The following MICALL1 variants were observed in gnomAD, a reference collection of about 807,000 sequenced individuals.
MICALL1 encodes the protein MICAL like 1.
A neutral mutation model predicts 83.7 loss-of-function variants in MICALL1; 61 were observed. The ratio of observed to expected loss-of-function variants is 0.73; its 90% CI spans 0.59 to 0.90. The LOEUF is 0.90. MICALL1 is among the 40% of genes least tolerant of loss of function. The probability of loss-of-function intolerance (pLI) is 0.00; values close to 1 mark genes in which losing one functional copy is unlikely to be tolerated. For synonymous variants in MICALL1, 481 were observed against 473.6 expected, an observed-to-expected ratio of 1.02 and a Z score of -0.20; for missense variants, 1,066 against 1,152.0, an observed-to-expected ratio of 0.93 and a Z score of 1.08.
intron 1 of MICALL1, among the ~76,000 whole-genome samples, chr22:37,910,762 C>A (rs1257018725): frequency 6.6e-6 from 1 of 151,980 alleles, no homozygotes; most frequent in Non-Finnish European, 1.5e-5. Flanking sequence ...GCTGTGCTTA[C>A]CTGGCTCCCT....
intron 4 of MICALL1, among the ~76,000 whole-genome samples, chr22:37,918,457 G>A (rs751160368): frequency 1.1e-4 from 16 of 152,218 alleles, no homozygotes; most frequent in Non-Finnish European, 2.2e-4. Context: ...CCCCAGGGTG[G>A]GTGCTCCATG....
chr22:37,921,567 C>G (rs897251764), intron 5 of MICALL1, among the ~76,000 whole-genome samples: 1 of 152,214 alleles, frequency 6.6e-6, no homozygotes, highest in African/African-American at 2.4e-5. Flanking sequence ...GAGTGAGACT[C>G]CATCTCAAAA....
intron 4 of MICALL1, among the ~76,000 whole-genome samples, chr22:37,918,226 C>G (rs887170658): frequency 3.9e-5 from 6 of 152,202 alleles, no homozygotes; most frequent in African/African-American, 1.2e-4. Flanking sequence ...CCAGGGAGGT[C>G]AGCATTATGG....
intron 4 of MICALL1, 29 bp downstream of exon 4, chr22:37,917,824 G>A: frequency 6.2e-7 from 1 of 1,601,128 alleles, no homozygotes; most frequent in South Asian, 1.1e-5. Flanking sequence ...AGGTGGGAGG[G>A]CCAGGGGTGG....
At position 37,932,240 on chromosome 22, in the gene MICALL1, C is replaced by T. The variant is rs768518693; in HGVS notation, c.2016+307C>T. ...CTGATTAGAGTGTTCTCAAGTTTAT[C>T]TCTGTAATAAGGTCACTCTCACTGA... On this transcript the variant is annotated intron_variant, in intron 10 of 15. Transcript: ENST00000215957. This position sits in a 1 kb window ranked among gnomAD's most constrained non-coding sequence, Gnocchi z 4.4. Among the ~76,000 whole-genome samples the T allele has an allele frequency of 1.4e-4, 21 of 152,234 alleles. No homozygotes were observed. Among genetic ancestry groups the T allele is most frequent in the Non-Finnish European group, 2.6e-4 (18 of 68,042 alleles).
Position 37,919,135 on chromosome 22 carries a change from C to T in MICALL1, c.526C>T (p.Arg176Cys), listed in dbSNP as rs372872100. The T allele has an allele frequency of 2.5e-5, 38 of 1,549,958 alleles. No individual in the cohort carries two copies. Among genetic ancestry groups the T allele is most frequent in the Non-Finnish European group, 3.0e-5 (34 of 1,146,326 alleles). Residue 176 changes from arginine to cysteine, a missense_variant, in exon 5 of 16, where the codon CGC becomes TGC. Transcript: ENST00000215957. Reference sequence around the variant, plus strand: ...CCAGCAGCATGTGCACTTGGTGCAGCGCTACCTGGCTGACGGCAGGCTGTA... The same window carrying T: ...CCAGCAGCATGTGCACTTGGTGCAGTGCTACCTGGCTGACGGCAGGCTGTA... ...ACQQHVHLVQ[R>C]YLADGRLYHR...
chr22:37,921,268 A>C (rs761216447), intron 5 of MICALL1, among the ~76,000 whole-genome samples: 1 of 151,918 alleles, frequency 6.6e-6, no homozygotes, highest in Non-Finnish European at 1.5e-5. Flanking sequence ...ATCTTATTCT[A>C]TTTCATTAAC....
chr22:37,912,290 C>T, intron 2 of MICALL1, 61 bp from the exon 3 acceptor site: 2 of 1,554,124 alleles, frequency 1.3e-6, no homozygotes, highest in Non-Finnish European at 8.7e-7. Context: ...GGGTCGCCCC[C>T]TAACGCCTCC....
At chr22:37,923,726 C>T (rs1834153949) in intron 6 of MICALL1, among the ~76,000 whole-genome samples, 1 of 152,186 alleles carries the variant, frequency 6.6e-6, no homozygotes, top group Admixed American at 6.5e-5. Flanking sequence ...TCTGCATGTG[C>T]CCGTGTGTCC....
intron 13 of MICALL1, among the ~76,000 whole-genome samples, chr22:37,936,104 C>A (rs1429790952): frequency 1.3e-5 from 2 of 152,104 alleles, no homozygotes; most frequent in African/African-American, 4.8e-5. Flanking sequence ...GGGCACTCAT[C>A]CCTGGAGCCT....
rs1014756515 is a variant in MICALL1, at chr22:37,924,336, G to A, written c.1025-324G>A. 3.3e-5 allele frequency among the ~76,000 whole-genome samples: 5 copies of A among 152,184 alleles called. No individual in the cohort carries two copies. The highest frequency in any genetic ancestry group is 1.2e-4 in the African/African-American group (5 of 41,456). ...GCTGTGGGATTCACAGAGGACACTT[G>A]GGAGTCCAGGACTTCCAGGAGGAGG... On this transcript the variant is annotated intron_variant, in intron 6 of 15. Transcript: ENST00000215957. The surrounding 1 kb of genome is among the most constrained non-coding windows in gnomAD (Gnocchi z 5.2).
At position 37,932,566 on chromosome 22, in the gene MICALL1, A is replaced by G; in HGVS notation, c.2030A>G (p.Gln677Arg). 1 of 1,614,176 alleles carries G rather than the reference A, an allele frequency of 6.2e-7. No individual in the cohort carries two copies. Among genetic ancestry groups the G allele is most frequent in the Non-Finnish European group, 8.5e-7 (1 of 1,180,016 alleles). ...PLIKRKVQAD[Q>R]YIPEEDIHGE... ...ACTGTTGGGCAGGTCCAGGCTGACCAGTACATCCCTGAGGAGGACATCCAT... is the reference window on the plus strand; with the variant it reads ...ACTGTTGGGCAGGTCCAGGCTGACCGGTACATCCCTGAGGAGGACATCCAT... Residue 677 changes from glutamine to arginine, a missense_variant, in exon 11 of 16, where the codon CAG (glutamine) becomes CGG (arginine). Gln to Arg is a conservative substitution (Grantham distance 43). Coordinates refer to ENST00000215957, the MANE Select transcript of MICALL1 (RefSeq NM_033386.4). This position sits in a 1 kb window ranked among gnomAD's most constrained non-coding sequence, Gnocchi z 4.4.
In MICALL1 at chr22:37,932,844, C is replaced by T. The variant is rs201307111; in HGVS notation, c.2190C>T (p.His730=). ...DMLVDWFKLI[H]EKHLLVRRES... The stretch of plus-strand genomic sequence containing the variant: ...TGGTGGACTGGTTCAAGCTCATCCA[C>T]GAGAAGCACCTACTGGTGCGGCGAG... The change falls in exon 12 of 16, where the codon CAC becomes CAT. Residue 730 remains histidine, a synonymous_variant. Coordinates refer to ENST00000215957, the MANE Select transcript of MICALL1 (RefSeq NM_033386.4). This position sits in a 1 kb window ranked among gnomAD's most constrained non-coding sequence, Gnocchi z 4.4. 34 of 1,613,974 alleles carry T rather than the reference C, an allele frequency of 2.1e-5. No individual in the cohort carries two copies. The highest frequency in any genetic ancestry group is 4.5e-5 in the East Asian group (2 of 44,876).
At chr22:37,933,989 G>A (rs2145944674) in intron 13 of MICALL1, among the ~76,000 whole-genome samples, 1 of 152,336 alleles carries the variant, frequency 6.6e-6, no homozygotes, top group South Asian at 2.1e-4. Flanking sequence ...TGTCCCAGGG[G>A]AAGCCACAGA....
rs749815126 is a variant in MICALL1, at chr22:37,940,691, C to T, written c.2471-18C>T. ...CCTCTTCTCCACTTTATTAAGTGCTCCCCTCTCTGTGCTGCAGAGTTCCAG... is the reference window on the plus strand; with the variant it reads ...CCTCTTCTCCACTTTATTAAGTGCTTCCCTCTCTGTGCTGCAGAGTTCCAG... On this transcript the variant is annotated intron_variant, in intron 15 of 15. Transcript: ENST00000215957. 8 of 1,613,186 alleles carry T rather than the reference C, an allele frequency of 5.0e-6. No individual in the cohort carries two copies. The highest frequency in any genetic ancestry group is 5.9e-6 in the Non-Finnish European group (7 of 1,179,412).
intron 13 of MICALL1, among the ~76,000 whole-genome samples, chr22:37,934,479 G>A (rs1350532466): frequency 2.0e-5 from 3 of 152,100 alleles, no homozygotes; most frequent in South Asian, 2.1e-4. Context: ...CCAGAACCAG[G>A]TTGGGCCACC....
rs1268008678 is a variant in MICALL1, at chr22:37,937,885, G to C, written c.2470+93G>C. 5 of 1,514,714 alleles carry C rather than the reference G, an allele frequency of 3.3e-6. 1 individual carries two copies. The African/African-American group carries it at 6.9e-5, about 21-fold the overall frequency. The allele number at this position is 1,514,714 out of a possible 1,614,324, so 93.8% of individuals were successfully genotyped here. Reference sequence around the variant, plus strand: ...ACTGGTTGAAGGGAGGGTTGGAGTGGGCACTACCAGGATGGCTGTGCACAA... The same window carrying C: ...ACTGGTTGAAGGGAGGGTTGGAGTGCGCACTACCAGGATGGCTGTGCACAA... On this transcript the variant is annotated intron_variant, in intron 15 of 15. Transcript: ENST00000215957.
At chr22:37,907,964 A>G (rs1928074277) in intron 1 of MICALL1, among the ~76,000 whole-genome samples, 1 of 152,170 alleles carries the variant, frequency 6.6e-6, no homozygotes, top group South Asian at 2.1e-4. Context: ...GGAGGGCCCA[A>G]GGGGTCTTCT....
chr22:37,931,811 G>C lies in MICALL1; in HGVS notation c.1894G>C (p.Glu632Gln). Residue 632 changes from glutamate (E) to glutamine (Q), a missense_variant, in exon 10 of 16, where the codon GAG becomes CAG. By Grantham distance (29) the Glu-to-Gln change is conservative. Transcript: ENST00000215957. ...TCCTTCCCTTTAGTCCTCCTGCAAG[G>C]AGAATCCTTTTAACCGGAAGCCATC... ...PQLQVKSSCK[E>Q]NPFNRKPSPA... 1.9e-6 allele frequency: 3 copies of C among 1,614,022 alleles called. 1 individual carries two copies. The highest frequency in any genetic ancestry group is 2.7e-5 in the African/African-American group (2 of 74,992).
Sources: gnomAD v4.1 joint callset for allele counts (sites outside exome capture counted in the v4.1 genomes callset) on GRCh38, gnomAD v4.1.1 for gene constraint, Gnocchi (gnomAD v3.1) non-coding constraint, MANE v1.5 for transcripts, NCBI Gene and HGNC (gene_info 2026-07-23, HGNC 2026-07-21) for gene names.